Variants in BCL2L2 observed in about 807,000 individuals in gnomAD.
BCL2L2 encodes bcl-2-like protein 2.
A neutral mutation model predicts 14.6 loss-of-function variants in BCL2L2; 6 were observed. The ratio of observed to expected loss-of-function variants is 0.41; its 90% CI spans 0.22 to 0.81. BCL2L2 has a LOEUF of 0.81. Ranked by LOEUF, BCL2L2 falls within the 30% of genes least tolerant of loss-of-function variation. The pLI, the probability that BCL2L2 is intolerant of heterozygous loss-of-function variation, is 0.32. For missense variants in BCL2L2, 191 were observed against 260.5 expected (o/e 0.73, Z 1.84); for synonymous variants, 90 against 108.5 (o/e 0.83, Z 1.06).
chr14:23,310,880 T>A lies in BCL2L2; in HGVS notation c.*1915T>A. 1 of 1,282,300 alleles carries A rather than the reference T, an allele frequency of 7.8e-7. No individual in the cohort carries two copies. Among genetic ancestry groups the A allele is most frequent in the Non-Finnish European group, 1.0e-6 (1 of 983,018 alleles). 79.4% of individuals were successfully genotyped at this position (1,282,300 alleles called of 1,614,324 possible). A position where few individuals can be genotyped will look rare whatever the true frequency, so the allele number is the denominator to read the frequency against. On this transcript the variant is annotated 3_prime_UTR_variant, in exon 4 of 4. Coordinates refer to ENST00000250405, the MANE Select transcript of BCL2L2 (RefSeq NM_004050.5). Reference sequence around the variant, plus strand: ...CATATTGGGGTTCAGGGTAAGATTTTATTTGCATTAAGGGGTTTGCTGCTG... The same window carrying A: ...CATATTGGGGTTCAGGGTAAGATTTAATTTGCATTAAGGGGTTTGCTGCTG...
At position 23,310,385 on chromosome 14, in the gene BCL2L2, A is replaced by G. The variant is rs1183514746; in HGVS notation, c.*1420A>G. Reference sequence around the variant, plus strand: ...CTCTCCAATGCTAACTTTCTGACACAGTGCTCTAGAACCCTGCCTGTGGTC... The same window carrying G: ...CTCTCCAATGCTAACTTTCTGACACGGTGCTCTAGAACCCTGCCTGTGGTC... On this transcript the variant is annotated 3_prime_UTR_variant, in exon 4 of 4. Transcript: ENST00000250405. 6 of 989,548 alleles carry G rather than the reference A, an allele frequency of 6.1e-6. No individual in the cohort carries two copies. The highest frequency in any genetic ancestry group is 7.2e-6 in the Non-Finnish European group (6 of 832,352). 61.3% of individuals were successfully genotyped at this position (989,548 alleles called of 1,614,324 possible).
In BCL2L2 at chr14:23,310,978, G is replaced by A; in HGVS notation, c.*2013G>A. On this transcript the variant is annotated 3_prime_UTR_variant, in exon 4 of 4. Coordinates refer to ENST00000250405, the MANE Select transcript of BCL2L2 (RefSeq NM_004050.5). Reference sequence around the variant, plus strand: ...GTCTGTGCTTCCTTCCCCAGGTATGGAGCACACTCTTCACCCTACCCTCTA... The same window carrying A: ...GTCTGTGCTTCCTTCCCCAGGTATGAAGCACACTCTTCACCCTACCCTCTA... 7.8e-7 allele frequency: 1 copy of A among 1,289,538 alleles called. No individual in the cohort carries two copies. The highest frequency in any genetic ancestry group is 1.5e-5 in the African/African-American group (1 of 65,942). The allele number at this position is 1,289,538 out of a possible 1,614,324, so 79.9% of individuals were successfully genotyped here. A position where few individuals can be genotyped will look rare whatever the true frequency, so the allele number is the denominator to read the frequency against.
rs974044053 is a variant in BCL2L2 at position 23,310,775 on chromosome 14, G to T, written c.*1810G>T. The T allele has an allele frequency of 8.3e-7, 1 of 1,198,334 alleles. No homozygotes were observed. The highest frequency in any genetic ancestry group is 1.6e-5 in the African/African-American group (1 of 62,582). The allele number at this position is 1,198,334 out of a possible 1,614,324, so 74.2% of individuals were successfully genotyped here. ...CCTAGGGGTTGCCTCAGGAGTCCTT[G>T]GGGAGATGAAGGGGGTGGGGAGCTG... On this transcript the variant is annotated 3_prime_UTR_variant, in exon 4 of 4. Transcript: ENST00000250405.
In BCL2L2 at chr14:23,311,309, T is replaced by C; in HGVS notation, c.*2344T>C. 7.2e-6 allele frequency: 8 copies of C among 1,115,034 alleles called. No homozygotes were observed. The highest frequency in any genetic ancestry group is 8.8e-6 in the Non-Finnish European group (8 of 906,974). 69.1% of individuals were successfully genotyped at this position (1,115,034 alleles called of 1,614,324 possible). ...CCATATAGTTCCTTGGGATTAGCTC[T>C]TGGCCAAGAAGGCTGAGTATGGTTC... is the stretch of plus-strand genomic sequence containing the variant. On this transcript the variant is annotated 3_prime_UTR_variant, in exon 4 of 4. Coordinates refer to ENST00000250405, the MANE Select transcript of BCL2L2 (RefSeq NM_004050.5).
At position 23,311,116 on chromosome 14, in the gene BCL2L2, G is replaced by A; in HGVS notation, c.*2151G>A. 1.6e-6 allele frequency: 2 copies of A among 1,288,768 alleles called. No homozygotes were observed. The highest frequency in any genetic ancestry group is 2.0e-6 in the Non-Finnish European group (2 of 988,626). 79.8% of individuals were successfully genotyped at this position (1,288,768 alleles called of 1,614,324 possible). A position where few individuals can be genotyped will look rare whatever the true frequency, so the allele number is the denominator to read the frequency against. ...TGCTCTGAAGCCTTGACACCTGGGTGGAAAGAGAGGCTGTTTTCTGAAAGG... is the reference window on the plus strand; with the variant it reads ...TGCTCTGAAGCCTTGACACCTGGGTAGAAAGAGAGGCTGTTTTCTGAAAGG... On this transcript the variant is annotated 3_prime_UTR_variant, in exon 4 of 4. Coordinates refer to ENST00000250405, the MANE Select transcript of BCL2L2 (RefSeq NM_004050.5).
rs998928856 is a variant in BCL2L2, at chr14:23,308,337, A to G, written c.432+138A>G. On this transcript the variant is annotated intron_variant, in intron 3 of 3. Transcript: ENST00000250405. The surrounding 1 kb of genome is among the most constrained non-coding windows in gnomAD (Gnocchi z 5.4). The stretch of plus-strand genomic sequence containing the variant: ...GGGCTGAGTCTCCCCGTCTGGATGG[A>G]ATTAGATTGAGAGATGCCTGGACTC... 3 of 1,275,296 alleles carry G rather than the reference A, an allele frequency of 2.4e-6. No homozygotes were observed. In the African/African-American group the frequency reaches 4.5e-5, roughly 19 times the overall value. 79.0% of individuals were successfully genotyped at this position (1,275,296 alleles called of 1,614,324 possible). A position where few individuals can be genotyped will look rare whatever the true frequency, so the allele number is the denominator to read the frequency against.
In BCL2L2 at chr14:23,311,074, A is replaced by C. The variant is rs1426385923; in HGVS notation, c.*2109A>C. 6 of 1,289,248 alleles carry C rather than the reference A, an allele frequency of 4.7e-6. No homozygotes were observed. Among genetic ancestry groups the C allele is most frequent in the Non-Finnish European group, 6.1e-6 (6 of 988,706 alleles). 79.9% of individuals were successfully genotyped at this position (1,289,248 alleles called of 1,614,324 possible). A position where few individuals can be genotyped will look rare whatever the true frequency, so the allele number is the denominator to read the frequency against. On this transcript the variant is annotated 3_prime_UTR_variant, in exon 4 of 4. Transcript: ENST00000250405. ...AAGAGGAGCTGCAGGGACCATGGCC[A>C]GGTTACCAAAATGCCCTGCTCTGAA...
Position 23,308,971 on chromosome 14 carries a change from C to T in BCL2L2, c.*6C>T. Reference sequence around the variant, plus strand: ...CCTTTTTTGCTAGCAAGTGAAAGTCCAGGGCCAGGTGGGGCTAGGTGTGGC... The same window carrying T: ...CCTTTTTTGCTAGCAAGTGAAAGTCTAGGGCCAGGTGGGGCTAGGTGTGGC... On this transcript the variant is annotated 3_prime_UTR_variant, in exon 4 of 4. Transcript: ENST00000250405. The surrounding 1 kb of genome is among the most constrained non-coding windows in gnomAD (Gnocchi z 5.4). 7.5e-7 allele frequency: 1 copy of T among 1,324,558 alleles called. No homozygotes were observed. The highest frequency in any genetic ancestry group is 9.7e-7 in the Non-Finnish European group (1 of 1,028,728). The allele number at this position is 1,324,558 out of a possible 1,614,324, so 82.1% of individuals were successfully genotyped here.
chr14:23,309,776 G>A lies in BCL2L2; in HGVS notation c.*811G>A, dbSNP rs1038488887. 1.3e-4 allele frequency: 129 copies of A among 985,536 alleles called. No individual in the cohort carries two copies. Among genetic ancestry groups the A allele is most frequent in the Non-Finnish European group, 1.5e-4 (127 of 830,000 alleles). 61.0% of individuals were successfully genotyped at this position (985,536 alleles called of 1,614,324 possible). Reference sequence around the variant, plus strand: ...CTCCTGGGCTCTGATAGAAGGGCAGGGCTGTTGAGCCTGGATGGGTGGAGG... The same window carrying A: ...CTCCTGGGCTCTGATAGAAGGGCAGAGCTGTTGAGCCTGGATGGGTGGAGG... On this transcript the variant is annotated 3_prime_UTR_variant, in exon 4 of 4. Transcript: ENST00000250405.
rs1594980853 is a variant in BCL2L2, at chr14:23,311,244, G to A, written c.*2279G>A. ...TCTTAGCTTGAAGGGAAACCCCAGA[G>A]ACTCTTCTGTCAGGGAAAACTAGGG... is the stretch of plus-strand genomic sequence containing the variant. On this transcript the variant is annotated 3_prime_UTR_variant, in exon 4 of 4. Transcript: ENST00000250405. 11 of 1,222,286 alleles carry A rather than the reference G, an allele frequency of 9.0e-6. No homozygotes were observed. The highest frequency in any genetic ancestry group is 2.8e-5 in the South Asian group (2 of 70,558). 75.7% of individuals were successfully genotyped at this position (1,222,286 alleles called of 1,614,324 possible).
chr14:23,308,255 G>T lies in BCL2L2; in HGVS notation c.432+56G>T. ...ATCCTTCTGCAAAGCTGGTCTCCAGGGGGAAGATGGGGGCTCTGATTGGAG... is the reference window on the plus strand; with the variant it reads ...ATCCTTCTGCAAAGCTGGTCTCCAGTGGGAAGATGGGGGCTCTGATTGGAG... On this transcript the variant is annotated intron_variant, in intron 3 of 3. Transcript: ENST00000250405. This position sits in a 1 kb window ranked among gnomAD's most constrained non-coding sequence, Gnocchi z 5.4. 6.6e-7 allele frequency: 1 copy of T among 1,507,328 alleles called. No individual in the cohort carries two copies. The highest frequency in any genetic ancestry group is 8.8e-7 in the Non-Finnish European group (1 of 1,132,454). The allele number at this position is 1,507,328 out of a possible 1,614,324, so 93.4% of individuals were successfully genotyped here.
chr14:23,310,997 C>A lies in BCL2L2; in HGVS notation c.*2032C>A, dbSNP rs945692694. 1.6e-6 allele frequency: 2 copies of A among 1,289,492 alleles called. No individual in the cohort carries two copies. The highest frequency in any genetic ancestry group is 1.5e-5 in the African/African-American group (1 of 65,864). The allele number at this position is 1,289,492 out of a possible 1,614,324, so 79.9% of individuals were successfully genotyped here. Reference sequence around the variant, plus strand: ...GGTATGGAGCACACTCTTCACCCTACCCTCTACCACAGGACACATATCCCT... The same window carrying A: ...GGTATGGAGCACACTCTTCACCCTAACCTCTACCACAGGACACATATCCCT... On this transcript the variant is annotated 3_prime_UTR_variant, in exon 4 of 4. Transcript: ENST00000250405.
rs368751711 is a variant in BCL2L2 at position 23,309,582 on chromosome 14, C to T, written c.*617C>T. 21 of 985,514 alleles carry T rather than the reference C, an allele frequency of 2.1e-5. No individual in the cohort carries two copies. The highest frequency in any genetic ancestry group is 1.6e-4 in the African/African-American group (9 of 57,254). 61.0% of individuals were successfully genotyped at this position (985,514 alleles called of 1,614,324 possible). ...CCTCCCAACCCCTCCTTTCCCCTGC[C>T]CTTGTCCTGATGCCTCAAGGCTTAG... On this transcript the variant is annotated 3_prime_UTR_variant, in exon 4 of 4. Coordinates refer to ENST00000250405, the MANE Select transcript of BCL2L2 (RefSeq NM_004050.5).
Position 23,308,744 on chromosome 14 carries a change from C to A in BCL2L2, c.433-72C>A. 1.7e-6 allele frequency: 2 copies of A among 1,208,442 alleles called. No homozygotes were observed. The highest frequency in any genetic ancestry group is 2.2e-6 in the Non-Finnish European group (2 of 925,532). The allele number at this position is 1,208,442 out of a possible 1,614,324, so 74.9% of individuals were successfully genotyped here. On this transcript the variant is annotated intron_variant, in intron 3 of 3. Coordinates refer to ENST00000250405, the MANE Select transcript of BCL2L2 (RefSeq NM_004050.5). The surrounding 1 kb of genome is among the most constrained non-coding windows in gnomAD (Gnocchi z 5.4). Reference sequence around the variant, plus strand: ...ATGGAACTGGAACTCTTCCTCTCCTCTTCTCTCCACTCTTTCCTCTCCTGA... The same window carrying A: ...ATGGAACTGGAACTCTTCCTCTCCTATTCTCTCCACTCTTTCCTCTCCTGA...
At position 23,308,327 on chromosome 14, in the gene BCL2L2, G is replaced by T. The variant is rs75657907; in HGVS notation, c.432+128G>T. The T allele has an allele frequency of 7.6e-6, 10 of 1,324,352 alleles. No individual in the cohort carries two copies. In the East Asian group the frequency reaches 2.5e-4, roughly 33 times the overall value. 82.0% of individuals were successfully genotyped at this position (1,324,352 alleles called of 1,614,324 possible). ...ATGAGGTACGGGGCTGAGTCTCCCC[G>T]TCTGGATGGAATTAGATTGAGAGAT... On this transcript the variant is annotated intron_variant, in intron 3 of 3. Transcript: ENST00000250405. The surrounding 1 kb of genome is among the most constrained non-coding windows in gnomAD (Gnocchi z 5.4).
rs534947062 is a variant in BCL2L2, at chr14:23,311,544, C to G, written c.*2579C>G. 5.7e-5 allele frequency: 56 copies of G among 988,036 alleles called. No individual in the cohort carries two copies. In the African/African-American group the frequency reaches 9.1e-4, roughly 16 times the overall value. 61.2% of individuals were successfully genotyped at this position (988,036 alleles called of 1,614,324 possible). ...CACTCCCCACTTATTCTAGGGCACACAAACACTATTTTACTTTTTTAAAAT... is the reference window on the plus strand; with the variant it reads ...CACTCCCCACTTATTCTAGGGCACAGAAACACTATTTTACTTTTTTAAAAT... On this transcript the variant is annotated 3_prime_UTR_variant, in exon 4 of 4. Coordinates refer to ENST00000250405, the MANE Select transcript of BCL2L2 (RefSeq NM_004050.5).
rs1426323279 is a variant in BCL2L2, at chr14:23,310,677, T to TG, written c.*1718dup. ...GCCAGCTTGTGGCAAGCAGTTGGGG[T>TG]GGGGGGTCTCTGACTTGCTCAGGAC... On this transcript the variant is annotated 3_prime_UTR_variant, in exon 4 of 4. Transcript: ENST00000250405. 21 of 1,138,480 alleles carry TG rather than the reference T, an allele frequency of 1.8e-5. No individual in the cohort carries two copies. Among genetic ancestry groups the TG allele is most frequent in the South Asian group, 5.5e-5 (3 of 54,278 alleles). The allele number at this position is 1,138,480 out of a possible 1,614,324, so 70.5% of individuals were successfully genotyped here.
At position 23,307,801 on chromosome 14, in the gene BCL2L2, G is replaced by T. The variant is rs778308004; in HGVS notation, c.34G>T (p.Ala12Ser). Residue 12 changes from alanine (A) to serine (S), a missense_variant, in exon 3 of 4, where the codon GCT becomes TCT. Physicochemically the swap from Ala to Ser is moderately conservative, Grantham distance 99. Coordinates refer to ENST00000250405, the MANE Select transcript of BCL2L2 (RefSeq NM_004050.5). ...CCCAGCCTCGGCCCCAGACACACGG[G>T]CTCTGGTGGCAGACTTTGTAGGTTA... ...ATPASAPDTR[A>S]LVADFVGYKL... The T allele has an allele frequency of 8.4e-6, 13 of 1,544,118 alleles. No homozygotes were observed. The highest frequency in any genetic ancestry group is 1.7e-4 in the Middle Eastern group (1 of 5,728).
Position 23,309,535 on chromosome 14 carries a change from C to T in BCL2L2, c.*570C>T. The stretch of plus-strand genomic sequence containing the variant: ...ACATTCCCTCTTGCAATGGCAAGAA[C>T]TAGGGGCAGTTCTCTGTCCCTCCTC... On this transcript the variant is annotated 3_prime_UTR_variant, in exon 4 of 4. Coordinates refer to ENST00000250405, the MANE Select transcript of BCL2L2 (RefSeq NM_004050.5). 1.0e-6 allele frequency: 1 copy of T among 985,726 alleles called. No individual in the cohort carries two copies. The highest frequency in any genetic ancestry group is 1.2e-6 in the Non-Finnish European group (1 of 830,098). The allele number at this position is 985,726 out of a possible 1,614,324, so 61.1% of individuals were successfully genotyped here.
Sources: allele counts gnomAD v4.1 joint callset, GRCh38; gene constraint gnomAD v4.1.1; non-coding constraint Gnocchi (gnomAD v3.1); transcripts MANE v1.5; gene names NCBI Gene and HGNC (gene_info 2026-07-23, HGNC 2026-07-21).